Variants in CDH13 observed in about 807,000 individuals in gnomAD.
CDH13 encodes the protein cadherin-13.
A neutral mutation model predicts 63.8 loss-of-function variants in CDH13; 24 were observed. The observed-to-expected ratio is 0.38, with a 90% CI of 0.27 to 0.53. CDH13 has a LOEUF of 0.53. Ranked by LOEUF, CDH13 falls within the 20% of genes least tolerant of loss-of-function variation. The pLI, the probability that CDH13 is intolerant of heterozygous loss-of-function variation, is 0.85. For synonymous variants in CDH13, 503 were observed against 355.3 expected (o/e 1.42, Z -4.67); for missense variants, 1,049 against 903.1 (o/e 1.16, Z -2.07).
chr16:83,723,202 G>T (rs1277861843), intron 10 of CDH13, among the ~76,000 whole-genome samples: 1 of 152,208 alleles, frequency 6.6e-6, no homozygotes, highest in African/African-American at 2.4e-5. Context: ...GGAAGTATCT[G>T]GGCTTGATAA....
At chr16:83,521,905 G>A (rs374876546) in intron 7 of CDH13, among the ~76,000 whole-genome samples, 17 of 152,308 alleles carry the variant, frequency 1.1e-4, no homozygotes, top group Admixed American at 7.8e-4. Context: ...ATATGAGGTC[G>A]TTGAAGTTTA....
At chr16:82,889,726 A>G (rs757821429) in intron 2 of CDH13, among the ~76,000 whole-genome samples, 1 of 152,228 alleles carries the variant, frequency 6.6e-6, no homozygotes, top group Non-Finnish European at 1.5e-5. Context: ...TGTACTTAAT[A>G]TTATTGTAGA....
chr16:82,873,618 A>G (rs745605559), intron 2 of CDH13, among the ~76,000 whole-genome samples: 34 of 152,172 alleles, frequency 2.2e-4, no homozygotes, highest in Non-Finnish European at 4.7e-4. Flanking sequence ...TGAAATGGAG[A>G]TAGTATTTCA....
intron 5 of CDH13, among the ~76,000 whole-genome samples, chr16:83,336,826 T>C (rs1219320856): frequency 6.6e-6 from 1 of 152,234 alleles, no homozygotes; most frequent in Non-Finnish European, 1.5e-5. Context: ...TTTGCATGTG[T>C]TGCTTGGGTC....
rs1475233250 is a variant in CDH13, at chr16:83,124,875, A to G, written c.367-510A>G. 2.6e-5 allele frequency among the ~76,000 whole-genome samples: 4 copies of G among 152,218 alleles called. No individual in the cohort carries two copies. In the South Asian group the frequency reaches 6.2e-4, roughly 24 times the overall value. ...AGTTCTGGATTCTCTGTTCTGTTCC[A>G]TTAATCTAGATTTATACCAGTACCA... On this transcript the variant is annotated intron_variant, in intron 3 of 13. Coordinates refer to ENST00000567109, the MANE Select transcript of CDH13 (RefSeq NM_001257.5).
chr16:83,588,709 C>T (rs531955105), intron 7 of CDH13, among the ~76,000 whole-genome samples: 3 of 152,214 alleles, frequency 2.0e-5, no homozygotes, highest in Admixed American at 1.3e-4. Context: ...CATTCATCTT[C>T]CCACTAGACA....
intron 1 of CDH13, among the ~76,000 whole-genome samples, chr16:82,672,108 G>C (rs186847371): frequency 1.3e-4 from 20 of 152,310 alleles, no homozygotes; most frequent in Admixed American, 2.6e-4. Flanking sequence ...AAGCTGGGCC[G>C]ATTGGATTTC....
intron 4 of CDH13, among the ~76,000 whole-genome samples, chr16:83,195,726 C>G (rs115770580): frequency 0.01 from 1,558 of 152,192 alleles, 25 homozygotes; most frequent in African/African-American, 0.035. Context: ...AAGAATCACC[C>G]TAGCAACAGT....
At chr16:83,321,923 C>G (rs146141265) in intron 5 of CDH13, among the ~76,000 whole-genome samples, 2 of 152,122 alleles carry the variant, frequency 1.3e-5, no homozygotes, top group African/African-American at 4.8e-5. Flanking sequence ...ATCTTGGGGC[C>G]AGATTCAGTC....
At chr16:83,000,581 T>C (rs1041011491) in intron 2 of CDH13, among the ~76,000 whole-genome samples, 5 of 149,974 alleles carry the variant, frequency 3.3e-5, no homozygotes, top group African/African-American at 9.8e-5. Context: ...TCTCTTTTTT[T>C]TTTTTTTTTG....
At chr16:83,211,310 G>A (rs554922698) in intron 4 of CDH13, among the ~76,000 whole-genome samples, 189 of 152,250 alleles carry the variant, frequency 1.2e-3, no homozygotes, top group African/African-American at 4.4e-3. Context: ...AAGGGTACAT[G>A]GGAACTCTGT....
chr16:83,323,566 C>G (rs1480005665), intron 5 of CDH13, among the ~76,000 whole-genome samples: 2 of 152,090 alleles, frequency 1.3e-5, no homozygotes, highest in Non-Finnish European at 2.9e-5. Context: ...CAGGCATGAG[C>G]TACCGCGCCT....
Position 83,217,337 on chromosome 16 carries a change from C to T in CDH13, c.484-8C>T, listed in dbSNP as rs779154624. The T allele has an allele frequency of 6.8e-6, 11 of 1,613,502 alleles. No homozygotes were observed. The highest frequency in any genetic ancestry group is 9.3e-6 in the Non-Finnish European group (11 of 1,179,742). On this transcript the variant is annotated splice_region_variant and splice_polypyrimidine_tract_variant and intron_variant, in intron 4 of 13. Coordinates refer to ENST00000567109, the MANE Select transcript of CDH13 (RefSeq NM_001257.5). The stretch of plus-strand genomic sequence containing the variant: ...CAGTTTTAAATGTCTCTCTGTTTTT[C>T]TGACTAGGTAGTCGATAGTGACAGG...
intron 1 of CDH13, among the ~76,000 whole-genome samples, chr16:82,831,279 G>A (rs2038529274): frequency 6.6e-6 from 1 of 152,136 alleles, no homozygotes; most frequent in Admixed American, 6.5e-5. Context: ...ACCCCAGGCC[G>A]AAACCATACA....
intron 10 of CDH13, among the ~76,000 whole-genome samples, chr16:83,684,956 C>G (rs983103409): frequency 1.3e-5 from 2 of 152,078 alleles, no homozygotes; most frequent in African/African-American, 4.8e-5. Context: ...CCACACGGCC[C>G]CACACAGGGT....
At chr16:83,625,292 T>C (rs940214686) in intron 8 of CDH13, among the ~76,000 whole-genome samples, 10 of 152,144 alleles carry the variant, frequency 6.6e-5, no homozygotes, top group Non-Finnish European at 1.0e-4. Flanking sequence ...AGATCCGTGG[T>C]CTCAGGCCAT....
At chr16:83,354,245 A>G (rs1172345739) in intron 6 of CDH13, among the ~76,000 whole-genome samples, 4 of 152,248 alleles carry the variant, frequency 2.6e-5, no homozygotes, top group Non-Finnish European at 4.4e-5. Flanking sequence ...CAAAGGATCC[A>G]CTGTGAATAG....
intron 3 of CDH13, among the ~76,000 whole-genome samples, chr16:83,051,440 C>T (rs2030327538): frequency 6.6e-6 from 1 of 152,164 alleles, no homozygotes; most frequent in South Asian, 2.1e-4. Context: ...TATTTTTAGC[C>T]AAACAAATGC....
At chr16:83,608,964 T>C (rs1908612639) in intron 8 of CDH13, among the ~76,000 whole-genome samples, 1 of 152,142 alleles carries the variant, frequency 6.6e-6, no homozygotes, top group African/African-American at 2.4e-5. Flanking sequence ...GAACAAAAGG[T>C]ATAGGCTTTC....
Sources: gnomAD v4.1 joint callset for allele counts (sites outside exome capture counted in the v4.1 genomes callset) on GRCh38, gnomAD v4.1.1 for gene constraint, MANE v1.5 for transcripts, NCBI Gene and HGNC (gene_info 2026-07-23, HGNC 2026-07-21) for gene names.